BTBD9: variants seen among roughly 807,000 people sequenced by gnomAD.
The protein encoded by BTBD9 is BTB/POZ domain-containing protein 9.
In BTBD9, 49 loss-of-function variants were observed where a neutral mutation model predicts 64.3. The ratio of observed to expected loss-of-function variants is 0.76; its 90% confidence interval spans 0.61 to 0.97. The LOEUF (loss-of-function observed/expected upper bound fraction) is 0.97. Among genes scored for constraint, BTBD9 ranks in the 50% least tolerant of loss-of-function variants. The pLI is 0.00. For synonymous variants in BTBD9, 260 were observed against 274.7 expected, an observed-to-expected ratio of 0.95 and a Z score of 0.53; for missense variants, 598 against 762.1, an observed-to-expected ratio of 0.78 and a Z score of 2.53.
chr6:38,288,209 A>G, intron 8 of BTBD9, 63 bp downstream of exon 8: 1 of 1,481,854 alleles, frequency 6.7e-7, no homozygotes, highest in Non-Finnish European at 9.2e-7. Flanking sequence ...TCATTTTACC[A>G]AAATACAATC....
chr6:38,535,055 A>G (rs903155862), intron 6 of BTBD9, among the ~76,000 whole-genome samples: 2 of 152,154 alleles, frequency 1.3e-5, no homozygotes, highest in African/African-American at 4.8e-5. Context: ...AAGAGCATCC[A>G]ATTTGGAAAT....
intron 6 of BTBD9, among the ~76,000 whole-genome samples, chr6:38,379,622 A>G (rs1271767715): frequency 6.6e-6 from 1 of 152,198 alleles, no homozygotes; most frequent in Non-Finnish European, 1.5e-5. Flanking sequence ...CTCTTAAGAA[A>G]AAAAGGAAAC....
chr6:38,459,945 CAG>C (rs1421217360), intron 6 of BTBD9, among the ~76,000 whole-genome samples: 2 of 152,176 alleles, frequency 1.3e-5, no homozygotes, highest in Non-Finnish European at 2.9e-5. Flanking sequence ...ATTACGAGAA[CAG>C]AGTTTTAGCT....
intron 6 of BTBD9, among the ~76,000 whole-genome samples, chr6:38,519,396 C>G (rs1773187195): frequency 6.6e-6 from 1 of 152,138 alleles, no homozygotes; most frequent in South Asian, 2.1e-4. Flanking sequence ...ATACTGATAG[C>G]TGCAATTTAT....
chr6:38,244,047 T>C (rs1175821502), intron 9 of BTBD9, among the ~76,000 whole-genome samples: 1 of 152,142 alleles, frequency 6.6e-6, no homozygotes, highest in Admixed American at 6.5e-5. Flanking sequence ...GCAGGTCACT[T>C]TAAGAAAATA....
At chr6:38,181,942 C>T (rs371131086) in intron 10 of BTBD9, among the ~76,000 whole-genome samples, 12 of 152,104 alleles carry the variant, frequency 7.9e-5, no homozygotes, top group Admixed American at 3.3e-4. Flanking sequence ...GAGCCGAGAT[C>T]GCGCCACTGC....
intron 6 of BTBD9, among the ~76,000 whole-genome samples, chr6:38,375,939 G>GAAAGAAAGA (rs1341900940): frequency 1.5e-5 from 1 of 68,760 alleles, no homozygotes; most frequent in African/African-American, 8.7e-5. Flanking sequence ...AAGAAAGAAA[G>GAAAGAAAGA]AAGGAAAGAA....
At chr6:38,450,845 G>A (rs755971659) in intron 6 of BTBD9, among the ~76,000 whole-genome samples, 3 of 152,160 alleles carry the variant, frequency 2.0e-5, no homozygotes, top group Non-Finnish European at 4.4e-5. Flanking sequence ...AAGGTCTCCA[G>A]GTGATTCTAA....
chr6:38,523,824 G>C (rs1773372559), intron 6 of BTBD9, among the ~76,000 whole-genome samples: 1 of 152,148 alleles, frequency 6.6e-6, no homozygotes, highest in African/African-American at 2.4e-5. Context: ...GGGAAACAGA[G>C]GCACAGAAAA....
chr6:38,471,344 G>C (rs1469223454), intron 6 of BTBD9, among the ~76,000 whole-genome samples: 2 of 152,126 alleles, frequency 1.3e-5, no homozygotes, highest in African/African-American at 2.4e-5. Context: ...TTCCATCAAA[G>C]CAAGGAAGAT....
chr6:38,341,913 C>T (rs1053924514), intron 7 of BTBD9, among the ~76,000 whole-genome samples: 2 of 152,140 alleles, frequency 1.3e-5, no homozygotes, highest in African/African-American at 4.8e-5. Context: ...CTTCTCGTGG[C>T]TATATGAACC....
rs1766754209 is a variant in BTBD9 at position 38,171,450 on chromosome 6, A to C, written c.*3535T>G. 6.6e-6 allele frequency: 1 copy of C among 152,152 alleles called. No individual in the cohort carries two copies. The highest frequency in any genetic ancestry group is 2.1e-4 in the South Asian group (1 of 4,824). The allele number at this position is 152,152 out of a possible 1,614,324, so 9.4% of individuals were successfully genotyped here. On this transcript the variant is annotated 3_prime_UTR_variant, in exon 11 of 11. Coordinates refer to ENST00000481247, the MANE Select transcript of BTBD9 (RefSeq NM_001099272.2). ...CATTTAATAGGATTTAAAAAGTGAC[A>C]ATTTAAAGAGCAATTGAGAAGAGTC...
chr6:38,238,541 C>T (rs868785331), intron 9 of BTBD9, among the ~76,000 whole-genome samples: 30 of 141,680 alleles, frequency 2.1e-4, no homozygotes, highest in African/African-American at 5.9e-4. Flanking sequence ...GGCACGATCT[C>T]GGCTCACTGC....
chr6:38,575,402 C>G (rs888650268), intron 6 of BTBD9, among the ~76,000 whole-genome samples: 3 of 152,100 alleles, frequency 2.0e-5, no homozygotes, highest in Non-Finnish European at 4.4e-5. Flanking sequence ...GATAAACACG[C>G]AAAGGACACT....
intron 8 of BTBD9, among the ~76,000 whole-genome samples, chr6:38,276,067 C>G (rs536563993): frequency 2.0e-5 from 3 of 152,260 alleles, no homozygotes; most frequent in Admixed American, 6.5e-5. Context: ...TATTGCGGCA[C>G]TATTCACAAT....
chr6:38,626,533 G>C (rs1778174192), intron 1 of BTBD9, among the ~76,000 whole-genome samples: 2 of 152,138 alleles, frequency 1.3e-5, no homozygotes, highest in South Asian at 2.1e-4. Context: ...ATATTACCTA[G>C]CAAGAGGTCA....
At chr6:38,504,684 T>C (rs571661714) in intron 6 of BTBD9, 36 of 444,070 alleles carry the variant, frequency 8.1e-5, no homozygotes, top group South Asian at 5.3e-4. Context: ...GTTTCCTATA[T>C]AAATACATTG....
chr6:38,300,016 T>A (rs1420843612), intron 7 of BTBD9, among the ~76,000 whole-genome samples: 1 of 152,222 alleles, frequency 6.6e-6, no homozygotes, highest in Non-Finnish European at 1.5e-5. Flanking sequence ...CTTTAATCCA[T>A]CTTGAATTAA....
At chr6:38,472,303 C>T (rs1481899612) in intron 6 of BTBD9, among the ~76,000 whole-genome samples, 1 of 152,148 alleles carries the variant, frequency 6.6e-6, no homozygotes, top group Non-Finnish European at 1.5e-5. Flanking sequence ...GCCTGCAGTG[C>T]TATTAGTAAC....
Sources: allele counts gnomAD v4.1 joint callset (sites outside exome capture counted in the v4.1 genomes callset), GRCh38; gene constraint gnomAD v4.1.1; transcripts MANE v1.5; gene names NCBI Gene and HGNC (gene_info 2026-07-23, HGNC 2026-07-21).